The following CEP85 variants were observed in gnomAD, a reference collection of about 807,000 sequenced individuals.
CEP85 encodes the protein centrosomal protein of 85 kDa.
Under a neutral mutation model 93.7 loss-of-function variants are expected in CEP85, and 58 were observed. The observed-to-expected ratio is 0.62, with a 90% confidence interval of 0.50 to 0.77. The LOEUF is 0.77. Among genes scored for constraint, CEP85 ranks in the 30% least tolerant of loss-of-function variants. CEP85 has a pLI of 0.00. For synonymous variants in CEP85, 314 were observed against 338.6 expected (o/e 0.93, Z 0.80); for missense variants, 868 against 922.0 (o/e 0.94, Z 0.76).
rs760039589 is a variant in CEP85, at chr1:26,259,610, C to T, written c.1156-7C>T. 1.2e-6 allele frequency: 2 copies of T among 1,600,940 alleles called. No homozygotes were observed. Among genetic ancestry groups the T allele is most frequent in the Non-Finnish European group, 1.7e-6 (2 of 1,173,318 alleles). On this transcript the variant is annotated splice_polypyrimidine_tract_variant and splice_region_variant and intron_variant, in intron 6 of 13. Transcript: ENST00000451429. ...GAACAGTTACATATTGAGAATCTTT[C>T]TGGCAGGAATTGCAGCGAGAAAACA...
Position 26,277,548 on chromosome 1 carries a change from C to T in CEP85, c.*255C>T, listed in dbSNP as rs897222742. On this transcript the variant is annotated 3_prime_UTR_variant, in exon 14 of 14. Transcript: ENST00000451429. ...CTTTTGGCAGGTACAACAGATAAGT[C>T]CTCACAAACTGTTCCCAGCCCTAGG... 5.3e-5 allele frequency: 20 copies of T among 376,352 alleles called. No homozygotes were observed. Among genetic ancestry groups the T allele is most frequent in the African/African-American group, 1.8e-4 (9 of 49,572 alleles). The allele number at this position is 376,352 out of a possible 1,614,324, so 23.3% of individuals were successfully genotyped here.
In CEP85 at chr1:26,271,098, G is replaced by T. The variant is rs771446535; in HGVS notation, c.1734G>T (p.Ser578=). 1.1e-5 allele frequency: 18 copies of T among 1,607,284 alleles called. No homozygotes were observed. Among genetic ancestry groups the T allele is most frequent in the Non-Finnish European group, 1.4e-5 (16 of 1,173,988 alleles). ...AGTCCTGGCAGAAGCGATACGATTC[G>T]CTCCAAAAGGTGACTGAGGGTGTCC... ...EMESWQKRYD[S]LQKIVEKQQQ... is the part of the protein sequence containing the mutation. Residue 578 remains serine (S), a synonymous_variant, in exon 10 of 14, where the codon TCG becomes TCT. Coordinates refer to ENST00000451429, the MANE Select transcript of CEP85 (RefSeq NM_001319944.2).
chr1:26,265,675 T>G (rs758769329), intron 7 of CEP85, among the ~76,000 whole-genome samples: 7 of 152,336 alleles, frequency 4.6e-5, no homozygotes, highest in Non-Finnish European at 8.8e-5. Flanking sequence ...TCTTGAGAAT[T>G]GGGAGGAGCA....
chr1:26,268,274 A>G (rs1325319642), intron 7 of CEP85, among the ~76,000 whole-genome samples: 2 of 152,210 alleles, frequency 1.3e-5, no homozygotes, highest in African/African-American at 2.4e-5. Context: ...CCTGAAAAAC[A>G]TGGCGAAACT....
chr1:26,242,878 T>C (rs1247324284), intron 2 of CEP85, among the ~76,000 whole-genome samples: 2 of 152,194 alleles, frequency 1.3e-5, no homozygotes, highest in Non-Finnish European at 2.9e-5. Flanking sequence ...TAAATTTAAG[T>C]CTTTGCTAGA....
At position 26,258,129 on chromosome 1, in the gene CEP85, A is replaced by G. The variant is rs772491844; in HGVS notation, c.1038-14A>G. ...AGCATCAGGACCCTGACCTGATTCTACCGGCTTGTGCAGGCAGAGGAAACA... is the reference window on the plus strand; with the variant it reads ...AGCATCAGGACCCTGACCTGATTCTGCCGGCTTGTGCAGGCAGAGGAAACA... On this transcript the variant is annotated splice_polypyrimidine_tract_variant and intron_variant, in intron 5 of 13. Coordinates refer to ENST00000451429, the MANE Select transcript of CEP85 (RefSeq NM_001319944.2). 1.8e-5 allele frequency: 29 copies of G among 1,598,650 alleles called. No homozygotes were observed. Among genetic ancestry groups the G allele is most frequent in the Non-Finnish European group, 1.9e-5 (22 of 1,166,058 alleles).
chr1:26,248,764 T>C (rs1226945742), intron 3 of CEP85, among the ~76,000 whole-genome samples: 5 of 128,584 alleles, frequency 3.9e-5, no homozygotes, highest in African/African-American at 1.5e-4. Flanking sequence ...TCTCGCTCTG[T>C]TGCCCAGGCT....
intron 7 of CEP85, chr1:26,263,346 G>T: frequency 1.5e-5 from 4 of 271,916 alleles, no homozygotes; most frequent in South Asian, 4.7e-5. Flanking sequence ...AGCAGCAGTA[G>T]TCTCTGGCTG....
At chr1:26,272,843 G>C (rs909084962) in intron 11 of CEP85, among the ~76,000 whole-genome samples, 2 of 151,934 alleles carry the variant, frequency 1.3e-5, no homozygotes, top group Non-Finnish European at 2.9e-5. Flanking sequence ...TGGCCAGACT[G>C]GTCTCGAACT....
At chr1:26,265,207 C>T (rs2089876101) in intron 7 of CEP85, among the ~76,000 whole-genome samples, 1 of 152,092 alleles carries the variant, frequency 6.6e-6, no homozygotes, top group Non-Finnish European at 1.5e-5. Context: ...GGGTCTCAAA[C>T]TCCTGACCTC....
intron 8 of CEP85, chr1:26,269,218 A>T: frequency 4.0e-6 from 2 of 498,868 alleles, no homozygotes; most frequent in Non-Finnish European, 7.3e-6. Flanking sequence ...CCAATAGGGG[A>T]ACGACATAGC....
intron 7 of CEP85, chr1:26,263,403 A>G (rs2089843140): frequency 5.3e-6 from 1 of 189,468 alleles, no homozygotes; most frequent in South Asian, 1.2e-4. Context: ...AGGCATTCCC[A>G]AGGGCTTGGT....
chr1:26,258,036 T>C lies in CEP85; in HGVS notation c.1038-107T>C, dbSNP rs769762793. The C allele has an allele frequency of 6.2e-5, 48 of 773,752 alleles. No homozygotes were observed. In the Middle Eastern group the frequency reaches 8.1e-4, roughly 13 times the overall value. 47.9% of individuals were successfully genotyped at this position (773,752 alleles called of 1,614,324 possible). A position where few individuals can be genotyped will look rare whatever the true frequency, so the allele number is the denominator to read the frequency against. ...CTTCTTCCTTCAGAAAATAGTGATA[T>C]CCAGAATCTAAGATCTTGCTTACGT... On this transcript the variant is annotated intron_variant, in intron 5 of 13. Coordinates refer to ENST00000451429, the MANE Select transcript of CEP85 (RefSeq NM_001319944.2).
chr1:26,237,091 AC>A (rs2089338263), intron 1 of CEP85, among the ~76,000 whole-genome samples: 1 of 152,146 alleles, frequency 6.6e-6, no homozygotes, highest in South Asian at 2.1e-4. Context: ...GTAGGACTCC[AC>A]CACCACTACC....
At chr1:26,242,843 GA>G (rs1329409667) in intron 2 of CEP85, among the ~76,000 whole-genome samples, 10 of 152,168 alleles carry the variant, frequency 6.6e-5, no homozygotes, top group African/African-American at 2.4e-4. Flanking sequence ...TACACCTTAG[GA>G]AAATTATAGT....
Position 26,257,739 on chromosome 1 carries a change from G to T in CEP85, c.1037+9G>T. 1 of 1,613,972 alleles carries T rather than the reference G, an allele frequency of 6.2e-7. No individual in the cohort carries two copies. The highest frequency in any genetic ancestry group is 1.1e-5 in the South Asian group (1 of 91,062). ...GAGCTTCTCATTGACAAGTAAGAGGGCAAGGGGTACCACAGAGCCAGACTA... is the reference window on the plus strand; with the variant it reads ...GAGCTTCTCATTGACAAGTAAGAGGTCAAGGGGTACCACAGAGCCAGACTA... On this transcript the variant is annotated intron_variant, in intron 5 of 13. Transcript: ENST00000451429.
chr1:26,273,417 G>A (rs1014484526), intron 11 of CEP85, among the ~76,000 whole-genome samples: 1 of 152,164 alleles, frequency 6.6e-6, no homozygotes, highest in African/African-American at 2.4e-5. Flanking sequence ...TTCAAGTCCT[G>A]TAAGGAGGTA....
intron 3 of CEP85, among the ~76,000 whole-genome samples, chr1:26,246,387 T>C (rs990124567): frequency 5.3e-5 from 8 of 152,198 alleles, no homozygotes; most frequent in Admixed American, 2.0e-4. Flanking sequence ...TATAATACAG[T>C]AGAATATTAT....
intron 12 of CEP85, among the ~76,000 whole-genome samples, chr1:26,275,877 T>C (rs1407435684): frequency 6.6e-6 from 1 of 152,176 alleles, no homozygotes; most frequent in East Asian, 1.9e-4. Flanking sequence ...GGAAAGTGGA[T>C]TAAGCTGTCA....
Sources: gnomAD v4.1 joint callset for allele counts (sites outside exome capture counted in the v4.1 genomes callset) on GRCh38, gnomAD v4.1.1 for gene constraint, MANE v1.5 for transcripts, NCBI Gene and HGNC (gene_info 2026-07-23, HGNC 2026-07-21) for gene names.